Variants in MARK1 observed in about 807,000 individuals in gnomAD.
MARK1 encodes microtubule affinity regulating kinase 1.
Under a neutral mutation model 96.3 loss-of-function variants are expected in MARK1, and 40 were observed. The ratio of observed to expected loss-of-function variants is 0.42; its 90% CI spans 0.32 to 0.54. The LOEUF (loss-of-function observed/expected upper bound fraction) is 0.54, where lower values mean the gene tolerates loss of function less well. MARK1 is among the 20% of genes least tolerant of loss of function. MARK1 has a pLI of 0.16. For synonymous variants in MARK1, 317 were observed against 341.2 expected (o/e 0.93, Z 0.78); for missense variants, 719 against 984.6 (o/e 0.73, Z 3.61).
intron 3 of MARK1, among the ~76,000 whole-genome samples, chr1:220,593,637 A>T (rs1410716782): frequency 1.3e-5 from 2 of 152,142 alleles, no homozygotes; most frequent in Non-Finnish European, 2.9e-5. Context: ...GGCAGTGGTC[A>T]CCTGATGAGG....
At chr1:220,532,035 G>A (rs1361246176) in intron 1 of MARK1, among the ~76,000 whole-genome samples, 2 of 152,046 alleles carry the variant, frequency 1.3e-5, no homozygotes, top group African/African-American at 2.4e-5. Flanking sequence ...GAAAAACTCC[G>A]ATTATGCTAA....
chr1:220,657,678 G>A (rs1430326735), intron 16 of MARK1, 112 bp from the exon 17 acceptor site: 1 of 673,672 alleles, frequency 1.5e-6, no homozygotes, highest in South Asian at 2.4e-5. Context: ...ATAGAAAACT[G>A]TCATGGTAGA....
intron 7 of MARK1, among the ~76,000 whole-genome samples, chr1:220,616,903 A>G (rs986791112): frequency 3.3e-5 from 5 of 152,216 alleles, no homozygotes; most frequent in African/African-American, 1.2e-4. Flanking sequence ...TCTGCAAAAA[A>G]TAATCATGTT....
At chr1:220,569,809 C>G (rs1663315769) in intron 1 of MARK1, among the ~76,000 whole-genome samples, 1 of 152,020 alleles carries the variant, frequency 6.6e-6, no homozygotes, top group Non-Finnish European at 1.5e-5. Context: ...TTTTGTCATT[C>G]AGAGGTCACA....
intron 9 of MARK1, among the ~76,000 whole-genome samples, chr1:220,629,675 T>C (rs1667559712): frequency 6.6e-6 from 1 of 152,200 alleles, no homozygotes; most frequent in African/African-American, 2.4e-5. Context: ...TTAACTACTT[T>C]AGATAATCTG....
rs1325432473 is a variant in MARK1, at chr1:220,661,916, A to T, written c.2138A>T (p.Asp713Val). 1.9e-6 allele frequency: 3 copies of T among 1,614,042 alleles called. No individual in the cohort carries two copies. Among genetic ancestry groups the T allele is most frequent in the African/African-American group, 2.7e-5 (2 of 74,922 alleles). ...TWSMKTTSSMDPNDMMREIRK... is the reference protein window; with the variant it reads ...TWSMKTTSSMVPNDMMREIRK... ...AGTATGAAGACCACTAGTTCAATGG[A>T]CCCTAATGACATGATGAGAGAAATC... Residue 713 changes from aspartate (D) to valine (V), a missense_variant, in exon 18 of 18, where the codon GAC becomes GTC. By Grantham distance (152) the Asp-to-Val change is radical (BLOSUM62 -3). This residue lies in a region of MARK1 where 501 missense variants were observed against 588.3 expected (regional missense o/e 0.85). Coordinates refer to ENST00000366917, the MANE Select transcript of MARK1 (RefSeq NM_018650.5).
At chr1:220,657,922 A>C (rs1572247946) in intron 17 of MARK1, 88 bp downstream of exon 17, 2 of 921,434 alleles carry the variant, frequency 2.2e-6, no homozygotes, top group South Asian at 6.2e-5. Flanking sequence ...ATGATCATGA[A>C]TAGATCTAAT....
rs368252130 is a variant in MARK1 at position 220,618,629 on chromosome 1, T to C, written c.790-7T>C. On this transcript the variant is annotated splice_region_variant and splice_polypyrimidine_tract_variant and intron_variant, in intron 8 of 17. Coordinates refer to ENST00000366917, the MANE Select transcript of MARK1 (RefSeq NM_018650.5). This position sits in a 1 kb window ranked among gnomAD's most constrained non-coding sequence, Gnocchi z 4.6. ...AGTTATAAGTGCTTTCTTTCACTTTTATTAAGGAACTGCGAGAGCGAGTTT... is the reference window on the plus strand; with the variant it reads ...AGTTATAAGTGCTTTCTTTCACTTTCATTAAGGAACTGCGAGAGCGAGTTT... 8.7e-6 allele frequency: 14 copies of C among 1,613,620 alleles called. No individual in the cohort carries two copies. The African/African-American group carries it at 1.1e-4, about 12-fold the overall frequency.
At position 220,635,918 on chromosome 1, in the gene MARK1, C is replaced by T; in HGVS notation, c.1362C>T (p.Asp454=). 1.2e-6 allele frequency: 2 copies of T among 1,613,952 alleles called. No homozygotes were observed. Among genetic ancestry groups the T allele is most frequent in the South Asian group, 2.2e-5 (2 of 91,062 alleles). ...SVESEQKEEW[D]KDVARKLGST... ...AAAGTGAACAGAAAGAGGAGTGGGACAAAGATGTGGCTCGAAAACTTGGCA... is the reference window on the plus strand; with the variant it reads ...AAAGTGAACAGAAAGAGGAGTGGGATAAAGATGTGGCTCGAAAACTTGGCA... The change falls in exon 13 of 18, where the codon GAC becomes GAT. Residue 454 remains aspartate, a synonymous_variant. Transcript: ENST00000366917.
intron 1 of MARK1, among the ~76,000 whole-genome samples, chr1:220,534,120 G>C (rs1414939773): frequency 3.3e-5 from 5 of 151,658 alleles, no homozygotes; most frequent in Non-Finnish European, 7.4e-5. Flanking sequence ...GTGGTGGTAA[G>C]GTGGCAATTT....
chr1:220,562,860 A>T (rs1662766091), intron 1 of MARK1, among the ~76,000 whole-genome samples: 1 of 152,166 alleles, frequency 6.6e-6, no homozygotes, highest in Non-Finnish European at 1.5e-5. Context: ...TGGCAGAGCA[A>T]ATTCAGGTTT....
At chr1:220,577,891 T>G (rs1663979750) in intron 1 of MARK1, among the ~76,000 whole-genome samples, 1 of 152,170 alleles carries the variant, frequency 6.6e-6, no homozygotes. Context: ...CAACACAGAA[T>G]GAGGCCAGAG....
intron 11 of MARK1, among the ~76,000 whole-genome samples, chr1:220,634,211 G>A (rs768458628): frequency 2.0e-5 from 3 of 152,118 alleles, no homozygotes; most frequent in Non-Finnish European, 2.9e-5. Context: ...GTACACTCCC[G>A]AAGTCTTTAA....
At chr1:220,552,864 G>A (rs984098257) in intron 1 of MARK1, among the ~76,000 whole-genome samples, 4 of 152,056 alleles carry the variant, frequency 2.6e-5, no homozygotes, top group Admixed American at 6.6e-5. Flanking sequence ...ACCCCCTGCC[G>A]CCTGCCACCC....
At chr1:220,612,377 A>G (rs1218046237) in intron 6 of MARK1, among the ~76,000 whole-genome samples, 4 of 152,216 alleles carry the variant, frequency 2.6e-5, no homozygotes, top group African/African-American at 9.6e-5. Context: ...GGTTTTTTAA[A>G]TAAAGTCTGT....
chr1:220,536,402 T>G (rs895005670), intron 1 of MARK1, among the ~76,000 whole-genome samples: 1 of 136,030 alleles, frequency 7.4e-6, no homozygotes, highest in Non-Finnish European at 1.6e-5. Context: ...AGTTGTGGGC[T>G]TTTTTTTTTT....
chr1:220,528,197 A>T lies in MARK1; in HGVS notation c.-626A>T, dbSNP rs1307126518. Reference sequence around the variant, plus strand: ...GTGCCGCGCCCGCTGCTCCGCGCGCAGCCGGCTCGGGCCGCTCCTCCTGAC... The same window carrying T: ...GTGCCGCGCCCGCTGCTCCGCGCGCTGCCGGCTCGGGCCGCTCCTCCTGAC... On this transcript the variant is annotated 5_prime_UTR_variant, in exon 1 of 18. Coordinates refer to ENST00000366917, the MANE Select transcript of MARK1 (RefSeq NM_018650.5). 1 of 150,168 alleles carries T rather than the reference A, an allele frequency of 6.7e-6. No individual in the cohort carries two copies. Among genetic ancestry groups the T allele is most frequent in the Non-Finnish European group, 1.5e-5 (1 of 67,344 alleles). The allele number at this position is 150,168 out of a possible 1,614,324, so 9.3% of individuals were successfully genotyped here. A position where few individuals can be genotyped will look rare whatever the true frequency, so the allele number is the denominator to read the frequency against.
intron 3 of MARK1, among the ~76,000 whole-genome samples, chr1:220,589,554 A>G (rs1418086410): frequency 1.3e-5 from 2 of 152,082 alleles, no homozygotes; most frequent in Non-Finnish European, 2.9e-5. Flanking sequence ...CCAAGAACCA[A>G]GAAGGAAACA....
At chr1:220,591,092 G>A (rs1664951365) in intron 3 of MARK1, among the ~76,000 whole-genome samples, 1 of 152,076 alleles carries the variant, frequency 6.6e-6, no homozygotes, top group African/African-American at 2.4e-5. Flanking sequence ...TTTTAATCCT[G>A]TCCCTCAGCT....
Sources: gnomAD v4.1 joint callset for allele counts (sites outside exome capture counted in the v4.1 genomes callset) on GRCh38, gnomAD v4.1.1 for gene constraint, gnomAD v4.1.1 regional missense constraint, Gnocchi (gnomAD v3.1) non-coding constraint, MANE v1.5 for transcripts, NCBI Gene and HGNC (gene_info 2026-07-23, HGNC 2026-07-21) for gene names.